The following PTPRD variants were observed in gnomAD, a reference collection of about 807,000 sequenced individuals.
PTPRD encodes the protein receptor-type tyrosine-protein phosphatase delta.
Under a neutral mutation model 214.5 loss-of-function variants are expected in PTPRD, and 34 were observed. The ratio of observed to expected loss-of-function variants is 0.16; its 90% confidence interval spans 0.12 to 0.21. The LOEUF is 0.21. PTPRD is among the 10% of genes least tolerant of loss of function. The pLI is 1.00. For missense variants in PTPRD, 2,545 were observed against 2,398.7 expected (o/e 1.06, Z -1.27); for synonymous variants, 1,128 against 845.7 (o/e 1.33, Z -5.79).
In PTPRD at chr9:10,427,065, C is replaced by T. The variant is rs989967544; in HGVS notation, c.-599-86048G>A. Reference sequence around the variant, plus strand: ...AGGTATTTTGGGGGGTATTGTTTTTCTTTTAATTTATTAATTACACTAATA... The same window carrying T: ...AGGTATTTTGGGGGGTATTGTTTTTTTTTTAATTTATTAATTACACTAATA... On this transcript the variant is annotated intron_variant, in intron 2 of 45. Coordinates refer to ENST00000381196, the MANE Select transcript of PTPRD (RefSeq NM_002839.4). 2.0e-5 allele frequency among the ~76,000 whole-genome samples: 3 copies of T among 152,028 alleles called. No individual in the cohort carries two copies. In the South Asian group the frequency reaches 6.2e-4, roughly 32 times the overall value.
intron 8 of PTPRD, among the ~76,000 whole-genome samples, chr9:9,472,993 T>C (rs2146613689): frequency 6.6e-6 from 1 of 152,320 alleles, no homozygotes; most frequent in African/African-American, 2.4e-5. Flanking sequence ...AAAATCCTTT[T>C]CTAGATTTTT....
chr9:8,723,859 A>G (rs1243535725), intron 12 of PTPRD, among the ~76,000 whole-genome samples: 1 of 152,218 alleles, frequency 6.6e-6, no homozygotes, highest in Admixed American at 6.5e-5. Context: ...CTTAAAAGGA[A>G]TAGATTGTGT....
At chr9:8,889,322 C>T (rs909932807) in intron 11 of PTPRD, among the ~76,000 whole-genome samples, 1 of 152,138 alleles carries the variant, frequency 6.6e-6, no homozygotes, top group African/African-American at 2.4e-5. Context: ...ATGTCTTGTT[C>T]ACCCCTGAAT....
chr9:9,140,484 G>C (rs570076633), intron 10 of PTPRD, among the ~76,000 whole-genome samples: 3 of 152,194 alleles, frequency 2.0e-5, no homozygotes, highest in African/African-American at 4.8e-5. Context: ...AAGCTCAGCA[G>C]TCCAAGCAAT....
chr9:8,439,887 T>C (rs2095484344), intron 34 of PTPRD, among the ~76,000 whole-genome samples: 1 of 150,640 alleles, frequency 6.6e-6, no homozygotes, highest in Non-Finnish European at 1.5e-5. Context: ...TAAACCAAAG[T>C]CTTTACTACA....
At chr9:8,992,969 A>G (rs1042420661) in intron 11 of PTPRD, among the ~76,000 whole-genome samples, 3 of 152,162 alleles carry the variant, frequency 2.0e-5, no homozygotes, top group East Asian at 1.9e-4. Context: ...AACACACTCT[A>G]TAAGATTACA....
intron 3 of PTPRD, among the ~76,000 whole-genome samples, chr9:10,259,917 G>A (rs1409457922): frequency 6.6e-6 from 1 of 152,080 alleles, no homozygotes; most frequent in African/African-American, 2.4e-5. Flanking sequence ...CCACCAGAGT[G>A]GATATGCACA....
At chr9:10,145,428 G>A (rs2099015568) in intron 3 of PTPRD, among the ~76,000 whole-genome samples, 2 of 152,076 alleles carry the variant, frequency 1.3e-5, no homozygotes, top group Non-Finnish European at 2.9e-5. Context: ...AGACTTTTAT[G>A]ATGATCCACT....
chr9:9,362,036 C>T lies in PTPRD; in HGVS notation c.-203+35413G>A, dbSNP rs531855762. ...CAATCAGAGAGAGTTTAGTGGAAAA[C>T]ATGGCACTTGTTCAAATGTTGACTT... On this transcript the variant is annotated intron_variant, in intron 9 of 45. Transcript: ENST00000381196. Among the ~76,000 whole-genome samples the T allele has an allele frequency of 3.3e-5, 5 of 151,096 alleles. No individual in the cohort carries two copies. In the South Asian group the frequency reaches 8.3e-4, roughly 25 times the overall value.
chr9:10,284,092 G>A (rs1381660107), intron 3 of PTPRD, among the ~76,000 whole-genome samples: 1 of 152,054 alleles, frequency 6.6e-6, no homozygotes, highest in Non-Finnish European at 1.5e-5. Flanking sequence ...GTGATTATTA[G>A]AATTACTTAC....
chr9:9,871,762 A>G (rs990899675), intron 5 of PTPRD, among the ~76,000 whole-genome samples: 2 of 152,018 alleles, frequency 1.3e-5, no homozygotes, highest in African/African-American at 4.8e-5. Context: ...TGGGAGGAGA[A>G]GCTCATGGGC....
chr9:10,082,820 C>CAA (rs1260559780), intron 3 of PTPRD, among the ~76,000 whole-genome samples: 2 of 131,914 alleles, frequency 1.5e-5, no homozygotes, highest in Non-Finnish European at 3.1e-5. Context: ...CCTACACACA[C>CAA]ACACACACAC....
chr9:9,750,951 C>A, intron 6 of PTPRD, among the ~76,000 whole-genome samples: 1 of 152,076 alleles, frequency 6.6e-6, no homozygotes, highest in Admixed American at 6.6e-5. Flanking sequence ...ATGTCGCAAT[C>A]ATTAAAGTGC....
At chr9:9,267,531 A>T (rs1025957984) in intron 9 of PTPRD, among the ~76,000 whole-genome samples, 1 of 151,214 alleles carries the variant, frequency 6.6e-6, no homozygotes, top group Non-Finnish European at 1.5e-5. Flanking sequence ...GGAAACACTC[A>T]TGAGGCCAGT....
chr9:10,194,912 A>G (rs2099391321), intron 3 of PTPRD, among the ~76,000 whole-genome samples: 1 of 151,634 alleles, frequency 6.6e-6, no homozygotes, highest in Admixed American at 6.6e-5. Flanking sequence ...TGACTGACAG[A>G]AGAAAAAAAT....
intron 2 of PTPRD, among the ~76,000 whole-genome samples, chr9:10,560,414 G>C (rs959516016): frequency 6.6e-6 from 1 of 151,944 alleles, no homozygotes; most frequent in Non-Finnish European, 1.5e-5. Context: ...GTTGTGGGGT[G>C]GGGGGAGTGG....
chr9:10,563,430 C>T (rs568388946), intron 2 of PTPRD, among the ~76,000 whole-genome samples: 19 of 152,154 alleles, frequency 1.2e-4, no homozygotes, highest in African/African-American at 4.6e-4. Context: ...ATGTGTACCC[C>T]AACAGTCCTA....
intron 2 of PTPRD, among the ~76,000 whole-genome samples, chr9:10,406,793 G>T (rs544933019): frequency 7.4e-6 from 1 of 135,450 alleles, no homozygotes; most frequent in Admixed American, 7.6e-5. Context: ...AAAAATAGAT[G>T]TAAAAAGATT....
intron 9 of PTPRD, among the ~76,000 whole-genome samples, chr9:9,242,081 T>C (rs971766675): frequency 1.3e-5 from 2 of 152,030 alleles, no homozygotes; most frequent in African/African-American, 4.8e-5. Context: ...CTGTAAAGGA[T>C]TTTATTTCTC....
Sources: gnomAD v4.1 joint callset for allele counts (sites outside exome capture counted in the v4.1 genomes callset) on GRCh38, gnomAD v4.1.1 for gene constraint, MANE v1.5 for transcripts, NCBI Gene and HGNC (gene_info 2026-07-23, HGNC 2026-07-21) for gene names.